The following COL4A3 variants were observed in gnomAD, a reference collection of about 807,000 sequenced individuals.
The protein encoded by COL4A3 is collagen alpha-3(IV) chain.
Under a neutral mutation model 217.4 loss-of-function variants are expected in COL4A3, and 135 were observed. The ratio of observed to expected loss-of-function variants is 0.62; its 90% confidence interval spans 0.54 to 0.72. The LOEUF is 0.72. Among genes scored for constraint, COL4A3 ranks in the 30% least tolerant of loss-of-function variants. COL4A3 has a pLI of 0.00. For missense variants in COL4A3, 1,868 were observed against 2,119.9 expected, an observed-to-expected ratio of 0.88 and a Z score of 2.33; for synonymous variants, 690 against 736.3, an observed-to-expected ratio of 0.94 and a Z score of 1.02.
Position 227,280,475 on chromosome 2 carries a change from A to T in COL4A3, c.2259A>T (p.Gly753=). 6.2e-7 allele frequency: 1 copy of T among 1,614,156 alleles called. No individual in the cohort carries two copies. The highest frequency in any genetic ancestry group is 8.5e-7 in the Non-Finnish European group (1 of 1,180,008). The change falls in exon 30 of 52, where the codon GGA becomes GGT. Residue 753 remains glycine (G), a synonymous_variant. Coordinates refer to ENST00000396578, the MANE Select transcript of COL4A3 (RefSeq NM_000091.5). ...EPAVAMPGGP[G]TPGFPGERGN... The stretch of plus-strand genomic sequence containing the variant: ...CAGTAGCCATGCCTGGAGGACCAGG[A>T]ACACCAGGTTTTCCAGGAGAAAGAG...
At chr2:227,212,900 CACA>C (rs1271909156) in intron 1 of COL4A3, among the ~76,000 whole-genome samples, 2 of 152,180 alleles carry the variant, frequency 1.3e-5, no homozygotes, top group African/African-American at 4.8e-5. Context: ...AAAGTCAAGA[CACA>C]ACATTGTCTT....
chr2:227,277,798 G>A (rs528309042), intron 28 of COL4A3, among the ~76,000 whole-genome samples: 4 of 152,004 alleles, frequency 2.6e-5, no homozygotes, highest in Admixed American at 6.5e-5. Context: ...TCAGGAGTTC[G>A]ATACCAGCCT....
Position 227,244,864 on chromosome 2 carries a change from G to A in COL4A3, c.280-87G>A, listed in dbSNP as rs140879084. On this transcript the variant is annotated intron_variant, in intron 4 of 51. Transcript: ENST00000396578. ...GTTATAGTGGAGGAAAAAGATTATCGCAATGGTAAATAAATTTATGTTTAT... is the reference window on the plus strand; with the variant it reads ...GTTATAGTGGAGGAAAAAGATTATCACAATGGTAAATAAATTTATGTTTAT... 1.4e-3 allele frequency: 1,883 copies of A among 1,331,466 alleles called. 2 individuals carry two copies. The highest frequency in any genetic ancestry group is 1.8e-3 in the Non-Finnish European group (1,654 of 924,802). The allele number at this position is 1,331,466 out of a possible 1,614,324, so 82.5% of individuals were successfully genotyped here.
intron 1 of COL4A3, among the ~76,000 whole-genome samples, chr2:227,208,572 C>T (rs2067188138): frequency 6.6e-6 from 1 of 152,228 alleles, no homozygotes; most frequent in East Asian, 1.9e-4. Context: ...CTTCCCAAGC[C>T]CCTACCCGCC....
chr2:227,280,909 T>C lies in COL4A3; in HGVS notation c.2391T>C (p.Pro797=), dbSNP rs187921460. The C allele has an allele frequency of 2.8e-5, 43 of 1,558,312 alleles. No individual in the cohort carries two copies. In the African/African-American group the frequency reaches 4.9e-4, roughly 18 times the overall value. The change falls in exon 31 of 52, where the codon CCT becomes CCC. Residue 797 remains proline, a synonymous_variant. Transcript: ENST00000396578. ...CTTTTGCAGGAGATCCAGGGCAGCCTGGACCACCTGGAGAACAAGGACCCC... is the reference window on the plus strand; with the variant it reads ...CTTTTGCAGGAGATCCAGGGCAGCCCGGACCACCTGGAGAACAAGGACCCC... The part of the protein sequence containing the change: ...LDGPRGDPGQ[P]GPPGEQGPPG...
intron 2 of COL4A3, among the ~76,000 whole-genome samples, chr2:227,239,253 T>C (rs1009144355): frequency 6.6e-6 from 1 of 151,014 alleles, no homozygotes; most frequent in Non-Finnish European, 1.5e-5. Flanking sequence ...AATAAAAAAA[T>C]GCAGTATAAC....
intron 1 of COL4A3, among the ~76,000 whole-genome samples, chr2:227,236,398 T>C (rs2068700474): frequency 6.6e-6 from 1 of 151,870 alleles, no homozygotes. Context: ...AGGAAAGATA[T>C]TCAGTTAAAG....
intron 1 of COL4A3, among the ~76,000 whole-genome samples, chr2:227,220,136 ATGTGTGTGTG>A (rs35199710): frequency 1.6e-5 from 2 of 127,088 alleles, no homozygotes; most frequent in South Asian, 2.5e-4. Context: ...AGGCGGTTTT[ATGTGTGTGTG>A]TGTGTGTGTG....
At position 227,312,591 on chromosome 2, in the gene COL4A3, T is replaced by A. The variant is rs1171788984; in HGVS notation, c.*721T>A. 1.3e-5 allele frequency: 2 copies of A among 152,562 alleles called. No individual in the cohort carries two copies. The highest frequency in any genetic ancestry group is 4.8e-5 in the African/African-American group (2 of 41,472). 9.5% of individuals were successfully genotyped at this position (152,562 alleles called of 1,614,324 possible). ...TTTCACTGTAGCTCTAAAATCTGCT[T>A]GTATTCCAAGCATATAAAATTTTCC... is the stretch of plus-strand genomic sequence containing the variant. On this transcript the variant is annotated 3_prime_UTR_variant, in exon 52 of 52. Transcript: ENST00000396578.
chr2:227,173,461 C>A (rs78563187), intron 1 of COL4A3, among the ~76,000 whole-genome samples: 1 of 152,152 alleles, frequency 6.6e-6, no homozygotes, highest in African/African-American at 2.4e-5. Context: ...CCTTTCCATT[C>A]TTCCAGGTGT....
chr2:227,264,000 C>T, intron 21 of COL4A3, 56 bp downstream of exon 21: 2 of 1,601,744 alleles, frequency 1.2e-6, no homozygotes, highest in Non-Finnish European at 1.7e-6. Context: ...CAGATGTGTG[C>T]AAACCACGGG....
chr2:227,263,878 C>T lies in COL4A3; in HGVS notation c.1249C>T (p.Pro417Ser), dbSNP rs373390728. 2.7e-5 allele frequency: 43 copies of T among 1,614,060 alleles called. No individual in the cohort carries two copies. The highest frequency in any genetic ancestry group is 3.6e-5 in the Non-Finnish European group (43 of 1,180,038). The change falls in exon 21 of 52, where the codon CCT becomes TCT. Residue 417 changes from proline to serine, a missense_variant. Physicochemically the swap from Pro to Ser is moderately conservative, Grantham distance 74. Around this residue, in one of 2 missense-constraint regions of COL4A3, gnomAD observed 1,503 missense variants for 1,786.1 expected, o/e 0.84. Transcript: ENST00000396578. ...CCCAGGAAAGGATGCCATGGGGACT[C>T]CTGGGTCCCCAGGTTGTGCTGGTTC... The part of the protein sequence containing the change: ...GRPGKDAMGT[P>S]GSPGCAGSPG...
At chr2:227,228,098 G>A (rs1435796076) in intron 1 of COL4A3, among the ~76,000 whole-genome samples, 1 of 152,160 alleles carries the variant, frequency 6.6e-6, no homozygotes, top group Non-Finnish European at 1.5e-5. Flanking sequence ...ATCAAAAACG[G>A]GTGGCTGGCT....
chr2:227,203,102 CAT>C (rs1491474628), intron 1 of COL4A3, among the ~76,000 whole-genome samples: 1 of 33,512 alleles, frequency 3.0e-5, no homozygotes, highest in Non-Finnish European at 6.1e-5. Flanking sequence ...TGTATATATA[CAT>C]ATATGTGTAT....
At chr2:227,215,899 A>G (rs559761327) in intron 1 of COL4A3, among the ~76,000 whole-genome samples, 1 of 152,326 alleles carries the variant, frequency 6.6e-6, no homozygotes, top group East Asian at 1.9e-4. Context: ...CTTAGGATAA[A>G]ACAAATAAGA....
rs2069312117 is a variant in COL4A3 at position 227,245,955 on chromosome 2, G to A, written c.326G>A (p.Gly109Asp). The stretch of plus-strand genomic sequence containing the variant: ...CATTGAGACTTGTTCTTCTTCCAGG[G>A]CACCCCAGGCAATACCGGGCCTTAC... ...PGFSGSPGLP[G>D]TPGNTGPYGL... The change falls in exon 6 of 52, where the codon GGC (glycine) becomes GAC (aspartate). Residue 109 changes from glycine to aspartate, a missense_variant and splice_region_variant. Gly to Asp is a moderately conservative substitution (Grantham distance 94). Coordinates refer to ENST00000396578, the MANE Select transcript of COL4A3 (RefSeq NM_000091.5). The A allele has an allele frequency of 1.9e-6, 3 of 1,613,656 alleles. No individual in the cohort carries two copies. The highest frequency in any genetic ancestry group is 2.5e-6 in the Non-Finnish European group (3 of 1,179,586).
At chr2:227,246,571 G>A (rs2069353052) in intron 6 of COL4A3, 114 bp from the exon 7 acceptor site, 4 of 823,508 alleles carry the variant, frequency 4.9e-6, no homozygotes, top group Admixed American at 4.0e-5. Context: ...AAGGAATTCG[G>A]GTTACTTTGT....
At chr2:227,252,484 G>A (rs1449882010) in intron 11 of COL4A3, among the ~76,000 whole-genome samples, 2 of 151,792 alleles carry the variant, frequency 1.3e-5, no homozygotes, top group South Asian at 4.1e-4. Flanking sequence ...CCAAAGTGCT[G>A]GAATTACAGG....
chr2:227,252,315 G>T (rs1452502650), intron 11 of COL4A3, among the ~76,000 whole-genome samples: 4 of 145,294 alleles, frequency 2.8e-5, no homozygotes, highest in Non-Finnish European at 6.0e-5. Context: ...CCGGGTTCAA[G>T]CAATTCTCCT....
Sources: gnomAD v4.1 joint callset for allele counts (sites outside exome capture counted in the v4.1 genomes callset) on GRCh38, gnomAD v4.1.1 for gene constraint, gnomAD v4.1.1 regional missense constraint, MANE v1.5 for transcripts, NCBI Gene and HGNC (gene_info 2026-07-23, HGNC 2026-07-21) for gene names.